Variants in ARFRP1 observed in about 807,000 individuals in gnomAD.
The protein encoded by ARFRP1 is ARF related protein 1.
ARFRP1 carries 19 observed loss-of-function variants against 30.3 expected under a neutral mutation model. The ratio of observed to expected loss-of-function variants is 0.63; its 90% confidence interval spans 0.44 to 0.92. The LOEUF (loss-of-function observed/expected upper bound fraction) is 0.92. Ranked by LOEUF, ARFRP1 falls within the 40% of genes least tolerant of loss-of-function variation. ARFRP1 has a pLI of 0.00. For synonymous variants in ARFRP1, 133 were observed against 114.2 expected (o/e 1.16, Z -1.05); for missense variants, 245 against 267.5 (o/e 0.92, Z 0.59).
intron 5 of ARFRP1, 113 bp downstream of exon 5, chr20:63,702,023 A>T: frequency 2.1e-6 from 1 of 472,314 alleles, no homozygotes; most frequent in Non-Finnish European, 3.0e-6. Flanking sequence ...GTCACCCACT[A>T]GGCAGGAGCA....
At chr20:63,700,555 G>T (rs370122442) in intron 7 of ARFRP1, 25 bp from the exon 8 acceptor site, 1 of 1,609,900 alleles carries the variant, frequency 6.2e-7, no homozygotes, top group Admixed American at 1.7e-5. Flanking sequence ...GGTGTGAGGC[G>T]GGGGGTCTCG....
At chr20:63,700,575 G>T (rs1328963147) in intron 7 of ARFRP1, 27 bp downstream of exon 7, 1 of 1,610,226 alleles carries the variant, frequency 6.2e-7, no homozygotes, top group Non-Finnish European at 8.5e-7. Context: ...GGTCCCCAAA[G>T]CCCCCGCAGG....
In ARFRP1 at chr20:63,706,405, C is replaced by CTCAT; in HGVS notation, c.215_216insATGA (p.Met72IlefsTer2). 6.2e-7 allele frequency: 1 copy of CTCAT among 1,613,432 alleles called. No homozygotes were observed. Reference sequence around the variant, plus strand: ...CTTCCTGCCCTCCTAAGTCCCAGAACATGAGCCGAGCCTTTCCCACATCCA... The same window carrying CTCAT: ...CTTCCTGCCCTCCTAAGTCCCAGAACTCATATGAGCCGAGCCTTTCCCACATCCA... On this transcript the variant is annotated stop_gained and frameshift_variant, in exon 4 of 8. Coordinates refer to ENST00000622789, the MANE Select transcript of ARFRP1 (RefSeq NM_001267547.3). LOFTEE classifies it high-confidence loss of function.
intron 4 of ARFRP1, chr20:63,702,526 G>A (rs1452108047): frequency 1.8e-5 from 7 of 381,156 alleles, no homozygotes; most frequent in Admixed American, 4.1e-5. Context: ...GCAGAAGCAG[G>A]AGGATCACCT....
chr20:63,702,461 A>G, intron 4 of ARFRP1: 2 of 540,974 alleles, frequency 3.7e-6, no homozygotes, highest in Non-Finnish European at 3.3e-6. Context: ...AAGGTGAAAG[A>G]CAGGGATTGG....
intron 6 of ARFRP1, chr20:63,701,306 G>A (rs1243440668): frequency 1.9e-6 from 1 of 531,338 alleles, no homozygotes; most frequent in Non-Finnish European, 3.8e-6. Context: ...CTGGACGCCG[G>A]GCTGCTTCTG....
chr20:63,700,388 A>T lies in ARFRP1; in HGVS notation c.*55T>A. On this transcript the variant is annotated 3_prime_UTR_variant, in exon 8 of 8. Transcript: ENST00000622789. The stretch of plus-strand genomic sequence containing the variant: ...GATCAGCAGCATGGGAGCCAACAGG[A>T]GGCCACTCCTCCAGCACCAGGGGAC... 1 of 1,598,248 alleles carries T rather than the reference A, an allele frequency of 6.3e-7. No homozygotes were observed.
In ARFRP1 at chr20:63,706,965, TG is replaced by T. The variant is rs749909286; in HGVS notation, c.93+33del. On this transcript the variant is annotated intron_variant, in intron 2 of 7. Coordinates refer to ENST00000622789, the MANE Select transcript of ARFRP1 (RefSeq NM_001267547.3). ...AACCGAAGGGGGCGCCGCCAGGCCG[TG>T]GGAAAGGTGCGCGCAAGGGCGTGGG... 17 of 1,610,924 alleles carry T rather than the reference TG, an allele frequency of 1.1e-5. 1 individual carries two copies. The South Asian group carries it at 1.9e-4, about 18-fold the overall frequency.
At chr20:63,702,960 TGGCAACACTCCTG>T (rs1340647612) in intron 4 of ARFRP1, 2 of 152,284 alleles carry the variant, frequency 1.3e-5, no homozygotes, top group Non-Finnish European at 2.9e-5. Flanking sequence ...CTGGGCTCGC[TGGCAACACTCCTG>T]GGCAAGACAG....
Position 63,699,366 on chromosome 20 carries a change from C to A in ARFRP1, c.*1077G>T, listed in dbSNP as rs554440067. 1 of 152,396 alleles carries A rather than the reference C, an allele frequency of 6.6e-6. No homozygotes were observed. The highest frequency in any genetic ancestry group is 1.9e-4 in the East Asian group (1 of 5,158). The allele number at this position is 152,396 out of a possible 1,614,324, so 9.4% of individuals were successfully genotyped here. On this transcript the variant is annotated 3_prime_UTR_variant, in exon 8 of 8. Transcript: ENST00000622789. ...CCAGGACCCCATGTCCTTCCCACAT[C>A]CGCAGGAAGGGAGTGCCTGGACTCT...
At position 63,699,430 on chromosome 20, in the gene ARFRP1, C is replaced by T. The variant is rs1166231855; in HGVS notation, c.*1013G>A. On this transcript the variant is annotated 3_prime_UTR_variant, in exon 8 of 8. Coordinates refer to ENST00000622789, the MANE Select transcript of ARFRP1 (RefSeq NM_001267547.3). ...GGGAGCCCCTCACCTGCCCACCAGC[C>T]CCTGAGCAGCCCAGTAACACCATCA... The T allele has an allele frequency of 6.6e-6, 1 of 152,566 alleles. No homozygotes were observed. The highest frequency in any genetic ancestry group is 1.5e-5 in the Non-Finnish European group (1 of 68,326). The allele number at this position is 152,566 out of a possible 1,614,324, so 9.5% of individuals were successfully genotyped here.
intron 3 of ARFRP1, 21 bp downstream of exon 3, chr20:63,706,630 G>A (rs775674404): frequency 6.3e-7 from 1 of 1,585,918 alleles, no homozygotes; most frequent in South Asian, 1.1e-5. Context: ...CAAACCCACA[G>A]CCTGCTATTG....
At chr20:63,706,806 A>C (rs1474635870) in intron 2 of ARFRP1, 68 bp from the exon 3 acceptor site, 1 of 1,390,700 alleles carries the variant, frequency 7.2e-7, no homozygotes, top group Non-Finnish European at 1.0e-6. Flanking sequence ...ATCCTTACTC[A>C]GGTCTGTTCT....
intron 5 of ARFRP1, 48 bp downstream of exon 5, chr20:63,702,088 G>T (rs1466596645): frequency 1.3e-6 from 2 of 1,550,118 alleles, no homozygotes; most frequent in Non-Finnish European, 1.8e-6. Flanking sequence ...AGCTGGACCT[G>T]CCCCCACTCA....
chr20:63,704,708 A>G (rs545397092), intron 4 of ARFRP1: 1 of 152,398 alleles, frequency 6.6e-6, no homozygotes, highest in African/African-American at 2.4e-5. Flanking sequence ...GTGGGTCCAC[A>G]TAGGGCTGCA....
Position 63,701,699 on chromosome 20 carries a change from G to T in ARFRP1, c.417+131C>A, listed in dbSNP as rs147971375. 718 of 806,184 alleles carry T rather than the reference G, an allele frequency of 8.9e-4. 8 individuals carry two copies. In the East Asian group the frequency reaches 0.017, roughly 19 times the overall value. The allele number at this position is 806,184 out of a possible 1,614,324, so 49.9% of individuals were successfully genotyped here. ...TGGGAAGCTGCTGGGGGCAGGGCAG[G>T]CCTTGAGAATGGCTCTGTACCCCCT... is the stretch of plus-strand genomic sequence containing the variant. On this transcript the variant is annotated intron_variant, in intron 6 of 7. Transcript: ENST00000622789.
At chr20:63,706,163 T>A (rs565982004) in intron 4 of ARFRP1, 194 bp downstream of exon 4, 2 of 561,688 alleles carry the variant, frequency 3.6e-6, no homozygotes, top group African/African-American at 3.8e-5. Context: ...TACCACCACT[T>A]TTGGGGCAAC....
intron 4 of ARFRP1, chr20:63,702,523 C>G (rs957686242): frequency 1.6e-5 from 6 of 383,412 alleles, no homozygotes; most frequent in Non-Finnish European, 2.4e-5. Context: ...GAGGCAGAAG[C>G]AGGAGGATCA....
intron 6 of ARFRP1, chr20:63,701,430 G>C (rs763377242): frequency 2.0e-6 from 1 of 504,668 alleles, no homozygotes; most frequent in Admixed American, 2.2e-5. Context: ...TGGCACAGAT[G>C]CCACCTCCAA....
Sources: gnomAD v4.1 joint callset for allele counts on GRCh38, gnomAD v4.1.1 for gene constraint, MANE v1.5 for transcripts, NCBI Gene and HGNC (gene_info 2026-07-23, HGNC 2026-07-21) for gene names.